The following DLEU7 variants were observed in gnomAD, a reference collection of about 807,000 sequenced individuals.
DLEU7 encodes leukemia-associated protein 7.
In DLEU7, 17 loss-of-function variants were observed where a neutral mutation model predicts 16.0. That is an observed-to-expected ratio of 1.06 (90% confidence interval 0.73 to 1.59). The LOEUF (loss-of-function observed/expected upper bound fraction) is 1.59. Ranked by LOEUF, DLEU7 falls within the 40% of genes most tolerant of loss-of-function variation. The pLI, the probability that DLEU7 is intolerant of heterozygous loss-of-function variation, is 0.00. For synonymous variants in DLEU7, 113 were observed against 139.8 expected (o/e 0.81, Z 1.35); for missense variants, 308 against 314.9 (o/e 0.98, Z 0.17).
At chr13:50,743,870 TA>T (rs763311175) in intron 1 of DLEU7, among the ~76,000 whole-genome samples, 7 of 152,210 alleles carry the variant, frequency 4.6e-5, no homozygotes, top group African/African-American at 7.2e-5. Context: ...GATAGAAAGT[TA>T]AAAGTGCTTT....
At chr13:50,811,564 G>T (rs1412125324) in intron 1 of DLEU7, among the ~76,000 whole-genome samples, 1 of 152,150 alleles carries the variant, frequency 6.6e-6, no homozygotes, top group Admixed American at 6.5e-5. Flanking sequence ...CTGTGGCTCA[G>T]TCCAGGAAGA....
At chr13:50,765,902 G>A (rs560675042) in intron 1 of DLEU7, among the ~76,000 whole-genome samples, 2 of 152,260 alleles carry the variant, frequency 1.3e-5, no homozygotes, top group South Asian at 4.1e-4. Context: ...CTCAAAAGGG[G>A]TCAAATGCTT....
chr13:50,781,884 G>A (rs1875657791), intron 1 of DLEU7, among the ~76,000 whole-genome samples: 2 of 152,162 alleles, frequency 1.3e-5, no homozygotes, highest in Non-Finnish European at 2.9e-5. Flanking sequence ...TATGTTAGAA[G>A]TCAGAAAATC....
intron 1 of DLEU7, among the ~76,000 whole-genome samples, chr13:50,720,238 C>A (rs1272753916): frequency 6.6e-6 from 1 of 152,144 alleles, no homozygotes; most frequent in Non-Finnish European, 1.5e-5. Flanking sequence ...CATCATGTGG[C>A]AAGCTGAGAG....
intron 1 of DLEU7, among the ~76,000 whole-genome samples, chr13:50,803,158 A>G (rs1172131376): frequency 1.3e-5 from 2 of 152,128 alleles, no homozygotes; most frequent in Non-Finnish European, 2.9e-5. Flanking sequence ...AGGTATGTGC[A>G]TTTGTCATTT....
At chr13:50,836,734 G>C (rs1877480782) in intron 1 of DLEU7, among the ~76,000 whole-genome samples, 1 of 151,960 alleles carries the variant, frequency 6.6e-6, no homozygotes, top group South Asian at 2.1e-4. Context: ...AAGGAAGGAA[G>C]AAGTCTGTGT....
At chr13:50,814,762 G>A (rs1284632582) in intron 1 of DLEU7, among the ~76,000 whole-genome samples, 1 of 26,172 alleles carries the variant, frequency 3.8e-5, no homozygotes, top group Admixed American at 3.0e-4. Context: ...ATTCATGTGA[G>A]TGTGTGTGTG....
chr13:50,745,260 A>G (rs1874361205), intron 1 of DLEU7, among the ~76,000 whole-genome samples: 1 of 152,222 alleles, frequency 6.6e-6, no homozygotes, highest in Non-Finnish European at 1.5e-5. Context: ...CTGACACTGC[A>G]CCATGGATGA....
chr13:50,809,803 A>G (rs973624531), intron 1 of DLEU7, among the ~76,000 whole-genome samples: 1 of 152,166 alleles, frequency 6.6e-6, no homozygotes. Context: ...TGTCTTTGCA[A>G]AAAAGATACA....
chr13:50,771,876 T>C (rs936140242), intron 1 of DLEU7, among the ~76,000 whole-genome samples: 1 of 152,096 alleles, frequency 6.6e-6, no homozygotes, highest in African/African-American at 2.4e-5. Context: ...TTAAAGTCTC[T>C]CATTATTATT....
chr13:50,735,595 A>C (rs1874044493), intron 1 of DLEU7, among the ~76,000 whole-genome samples: 1 of 152,022 alleles, frequency 6.6e-6, no homozygotes, highest in African/African-American at 2.4e-5. Context: ...AAAAATGAAA[A>C]TATTATAAAC....
intron 1 of DLEU7, among the ~76,000 whole-genome samples, chr13:50,797,615 T>A (rs1876139832): frequency 6.6e-6 from 1 of 152,184 alleles, no homozygotes; most frequent in Non-Finnish European, 1.5e-5. Flanking sequence ...ATGGCAATTG[T>A]TTATTCTCAT....
At chr13:50,760,560 G>T (rs1259540422) in intron 1 of DLEU7, among the ~76,000 whole-genome samples, 1 of 152,126 alleles carries the variant, frequency 6.6e-6, no homozygotes, top group South Asian at 2.1e-4. Flanking sequence ...TGAGGGTCTT[G>T]CTATGTTGAC....
chr13:50,805,653 T>A (rs796775815), intron 1 of DLEU7, among the ~76,000 whole-genome samples: 1 of 152,226 alleles, frequency 6.6e-6, no homozygotes, highest in African/African-American at 2.4e-5. Context: ...CTAGCTATGC[T>A]TTCAGCAATG....
At chr13:50,805,078 ACGT>A (rs1329227662) in intron 1 of DLEU7, among the ~76,000 whole-genome samples, 2 of 152,174 alleles carry the variant, frequency 1.3e-5, no homozygotes, top group Non-Finnish European at 2.9e-5. Flanking sequence ...GTCTAGATCA[ACGT>A]CTATGAATAG....
Position 50,726,621 on chromosome 13 carries a change from T to A in DLEU7, c.460-13381A>T, listed in dbSNP as rs1873769587. On this transcript the variant is annotated intron_variant, in intron 1 of 1. Transcript: ENST00000400393. The surrounding 1 kb of genome is among the most constrained non-coding windows in gnomAD (Gnocchi z 4.0). ...GTTTTCCCATCTGCAGTGAAATTTGTGGATCGCATGGGAGGTCTTTTCATG... is the reference window on the plus strand; with the variant it reads ...GTTTTCCCATCTGCAGTGAAATTTGAGGATCGCATGGGAGGTCTTTTCATG... 6.6e-6 allele frequency among the ~76,000 whole-genome samples: 1 copy of A among 152,228 alleles called. No homozygotes were observed.
At chr13:50,736,547 A>G (rs1273246661) in intron 1 of DLEU7, among the ~76,000 whole-genome samples, 2 of 152,232 alleles carry the variant, frequency 1.3e-5, no homozygotes, top group African/African-American at 4.8e-5. Flanking sequence ...CGTGAAATGT[A>G]GCAAAAGCAA....
Position 50,789,947 on chromosome 13 carries a change from T to C in DLEU7, c.459+53241A>G, listed in dbSNP as rs1202272580. Among the ~76,000 whole-genome samples the C allele has an allele frequency of 3.4e-5, 5 of 146,612 alleles. No individual in the cohort carries two copies. The South Asian group carries it at 8.5e-4, about 25-fold the overall frequency. On this transcript the variant is annotated intron_variant, in intron 1 of 1. Coordinates refer to the DLEU7 transcript ENST00000400393. ...TTTCTTTCTTTCTTTCTTTCTTTCTTTTTTTTTTTTTTGGGACAGAGTCTC... is the reference window on the plus strand; with the variant it reads ...TTTCTTTCTTTCTTTCTTTCTTTCTCTTTTTTTTTTTTGGGACAGAGTCTC...
At chr13:50,747,896 C>T (rs185931710) in intron 1 of DLEU7, among the ~76,000 whole-genome samples, 23 of 152,256 alleles carry the variant, frequency 1.5e-4, no homozygotes, top group African/African-American at 4.8e-4. Context: ...AATTTTTTTG[C>T]AAATGGGCAT....
Sources: gnomAD v4.1 joint callset for allele counts (sites outside exome capture counted in the v4.1 genomes callset) on GRCh38, gnomAD v4.1.1 for gene constraint, Gnocchi (gnomAD v3.1) non-coding constraint, MANE v1.5 for transcripts, NCBI Gene and HGNC (gene_info 2026-07-23, HGNC 2026-07-21) for gene names.